The following CCDC178 variants were observed in gnomAD, a reference collection of about 807,000 sequenced individuals.
CCDC178 encodes the protein coiled-coil domain-containing protein 178.
Under a neutral mutation model 117.4 loss-of-function variants are expected in CCDC178, and 126 were observed. The ratio of observed to expected loss-of-function variants is 1.07; its 90% CI spans 0.93 to 1.24. The LOEUF is 1.24. Among genes scored for constraint, CCDC178 ranks in the 50% most tolerant of loss-of-function variants. The pLI is 0.00. For missense variants in CCDC178, 1,030 were observed against 986.9 expected (o/e 1.04, Z -0.59); for synonymous variants, 283 against 313.4 (o/e 0.90, Z 1.02).
intron 21 of CCDC178, among the ~76,000 whole-genome samples, chr18:33,066,225 A>G (rs913664500): frequency 3.3e-5 from 5 of 152,180 alleles, no homozygotes; most frequent in African/African-American, 9.6e-5. Context: ...TGATGAATTC[A>G]CCACTAGACC....
chr18:33,020,325 A>G (rs1270168072), intron 21 of CCDC178, among the ~76,000 whole-genome samples: 2 of 152,130 alleles, frequency 1.3e-5, no homozygotes, highest in Non-Finnish European at 2.9e-5. Context: ...TAAACAAATT[A>G]TAGTGATCCA....
At chr18:33,238,379 A>G (rs1172623036) in intron 15 of CCDC178, among the ~76,000 whole-genome samples, 2 of 152,182 alleles carry the variant, frequency 1.3e-5, no homozygotes, top group African/African-American at 4.8e-5. Context: ...GAGATACAAG[A>G]GAATACAGAT....
intron 20 of CCDC178, among the ~76,000 whole-genome samples, chr18:33,189,018 T>C (rs574741158): frequency 2.6e-5 from 4 of 152,290 alleles, no homozygotes; most frequent in Non-Finnish European, 5.9e-5. Context: ...AAAAATGTGA[T>C]AGTCTACTAG....
chr18:33,241,792 A>T (rs1159331127), intron 15 of CCDC178, among the ~76,000 whole-genome samples: 1 of 151,748 alleles, frequency 6.6e-6, no homozygotes, highest in Admixed American at 6.6e-5. Context: ...TAATATTGTT[A>T]AAAATTGATA....
intron 21 of CCDC178, among the ~76,000 whole-genome samples, chr18:32,980,756 A>C (rs1359024849): frequency 1.3e-5 from 2 of 152,210 alleles, no homozygotes; most frequent in Non-Finnish European, 2.9e-5. Context: ...ATTCAAACTC[A>C]TCATATTGTC....
chr18:33,210,364 T>C (rs775512232), intron 20 of CCDC178, among the ~76,000 whole-genome samples: 1 of 151,548 alleles, frequency 6.6e-6, no homozygotes, highest in African/African-American at 2.4e-5. Context: ...CAGTTGGGAG[T>C]AGAAAGGCAG....
chr18:33,433,839 A>C (rs1307973868), intron 2 of CCDC178, among the ~76,000 whole-genome samples: 4 of 152,038 alleles, frequency 2.6e-5, no homozygotes, highest in Non-Finnish European at 1.5e-5. Context: ...TACGTTTCAT[A>C]AAGAAAATAA....
chr18:33,432,935 T>C (rs1046216962), intron 2 of CCDC178, among the ~76,000 whole-genome samples: 1 of 152,210 alleles, frequency 6.6e-6, no homozygotes, highest in Admixed American at 6.5e-5. Flanking sequence ...TTATTGCCTT[T>C]GTAAGAGAGA....
chr18:33,423,725 T>C (rs2064067781), intron 2 of CCDC178, among the ~76,000 whole-genome samples: 1 of 152,216 alleles, frequency 6.6e-6, no homozygotes, highest in African/African-American at 2.4e-5. Flanking sequence ...TCCATGTTTT[T>C]TCTTTGACAA....
intron 21 of CCDC178, among the ~76,000 whole-genome samples, chr18:33,001,593 A>G (rs1049745869): frequency 2.0e-5 from 3 of 152,172 alleles, no homozygotes; most frequent in Non-Finnish European, 4.4e-5. Flanking sequence ...AAAGGAAGAC[A>G]GGAATGAAGG....
chr18:33,044,055 G>A (rs1377999561), intron 21 of CCDC178, among the ~76,000 whole-genome samples: 1 of 151,498 alleles, frequency 6.6e-6, no homozygotes, highest in East Asian at 1.9e-4. Context: ...ATATGTGTGT[G>A]TGTGTGTGTG....
At chr18:33,233,845 G>A (rs900391098) in intron 15 of CCDC178, among the ~76,000 whole-genome samples, 1 of 151,976 alleles carries the variant, frequency 6.6e-6, no homozygotes. Flanking sequence ...GCCAGGATTT[G>A]AATTAAGAAA....
intron 3 of CCDC178, among the ~76,000 whole-genome samples, chr18:33,397,799 A>G (rs2063658901): frequency 6.6e-6 from 1 of 152,158 alleles, no homozygotes; most frequent in East Asian, 1.9e-4. Flanking sequence ...GCCAACACCA[A>G]TGACCTAAAA....
At chr18:33,432,727 T>C (rs904932716) in intron 2 of CCDC178, among the ~76,000 whole-genome samples, 1 of 152,176 alleles carries the variant, frequency 6.6e-6, no homozygotes, top group African/African-American at 2.4e-5. Context: ...TGATGCTCTG[T>C]AAGATAAACG....
intron 22 of CCDC178, among the ~76,000 whole-genome samples, chr18:32,942,018 T>C (rs1045372692): frequency 2.6e-5 from 4 of 152,130 alleles, no homozygotes; most frequent in African/African-American, 4.8e-5. Flanking sequence ...CAGGAAGATT[T>C]CTGTTTCTGT....
At chr18:33,154,570 A>G (rs1462101215) in intron 20 of CCDC178, among the ~76,000 whole-genome samples, 1 of 152,192 alleles carries the variant, frequency 6.6e-6, no homozygotes, top group Non-Finnish European at 1.5e-5. Flanking sequence ...CATATAATAA[A>G]ACATATAAAT....
chr18:33,354,573 T>TTAA lies in CCDC178; in HGVS notation c.371+1750_371+1751insTTA, dbSNP rs1368515998. Among the ~76,000 whole-genome samples, 5 of 152,098 alleles carry TTAA rather than the reference T, an allele frequency of 3.3e-5. No homozygotes were observed. In the East Asian group the frequency reaches 9.7e-4, roughly 29 times the overall value. On this transcript the variant is annotated intron_variant, in intron 7 of 22. Coordinates refer to ENST00000383096, the MANE Select transcript of CCDC178 (RefSeq NM_001105528.4). Reference sequence around the variant, plus strand: ...TGCTACTGAACCCTTCTAGTGAAGTTTTTAATTTCAGTTAGTTTATTTTTC... The same window carrying TTAA: ...TGCTACTGAACCCTTCTAGTGAAGTTTAATTTAATTTCAGTTAGTTTATTTTTC...
intron 20 of CCDC178, among the ~76,000 whole-genome samples, chr18:33,184,371 C>T (rs141330509): frequency 8.0e-4 from 122 of 152,040 alleles, no homozygotes; most frequent in African/African-American, 2.6e-3. Flanking sequence ...AACAAAGTAA[C>T]GGCTACTTAC....
chr18:33,079,775 T>A (rs1009398673), intron 21 of CCDC178, among the ~76,000 whole-genome samples: 2 of 152,112 alleles, frequency 1.3e-5, no homozygotes, highest in Non-Finnish European at 2.9e-5. Flanking sequence ...GGTCACAATA[T>A]AACAGATGCT....
Sources: allele counts gnomAD v4.1 joint callset (sites outside exome capture counted in the v4.1 genomes callset), GRCh38; gene constraint gnomAD v4.1.1; transcripts MANE v1.5; gene names NCBI Gene and HGNC (gene_info 2026-07-23, HGNC 2026-07-21).